Variants in BMX observed in about 807,000 individuals in gnomAD.
The protein encoded by BMX is BMX non-receptor tyrosine kinase, also known as cytoplasmic tyrosine-protein kinase BMX.
Under a neutral mutation model 59.2 loss-of-function variants are expected in BMX, and 31 were observed. The ratio of observed to expected loss-of-function variants is 0.52; its 90% CI spans 0.39 to 0.71. The LOEUF (loss-of-function observed/expected upper bound fraction) is 0.71. BMX is among the 30% of genes least tolerant of loss of function. BMX has a pLI of 0.00. For synonymous variants in BMX, 185 were observed against 181.0 expected (o/e 1.02, Z -0.18); for missense variants, 474 against 491.7 (o/e 0.96, Z 0.34).
intron 13 of BMX, 87 bp downstream of exon 13, chrX:15,536,514 AAAAG>A (rs1925356123): frequency 2.4e-6 from 2 of 834,700 alleles, no homozygotes; most frequent in Non-Finnish European, 3.4e-6. Flanking sequence ...AAAAAAAAAA[AAAAG>A]GAGGAAAGAC....
chrX:15,515,654 T>C (rs781435061), intron 4 of BMX, among the ~76,000 whole-genome samples: 18 of 111,882 alleles, frequency 1.6e-4, no homozygotes, highest in Non-Finnish European at 3.4e-4. Flanking sequence ...TCTTGCAACT[T>C]TTCTGTACAT....
At chrX:15,519,923 G>T (rs747275926) in intron 6 of BMX, among the ~76,000 whole-genome samples, 1 of 111,653 alleles carries the variant, frequency 9.0e-6, no homozygotes, top group African/African-American at 3.2e-5. Flanking sequence ...TGAGGGATTC[G>T]CCCCTATGAC....
At chrX:15,504,059 A>T (rs1923658888) in intron 1 of BMX, among the ~76,000 whole-genome samples, 1 of 111,714 alleles carries the variant, frequency 9.0e-6, no homozygotes, top group Admixed American at 9.5e-5. Context: ...GGCTAGGATC[A>T]TTATCATAAA....
intron 17 of BMX, among the ~76,000 whole-genome samples, chrX:15,548,698 C>T (rs1251043545): frequency 1.8e-5 from 2 of 111,763 alleles, no homozygotes. Context: ...CCTCTGATAG[C>T]AATTCCCAAA....
intron 16 of BMX, among the ~76,000 whole-genome samples, chrX:15,545,750 T>C (rs1925919078): frequency 9.0e-6 from 1 of 110,985 alleles, no homozygotes; most frequent in African/African-American, 3.3e-5. Flanking sequence ...ACTGCCTGAC[T>C]ATTACCTGAC....
chrX:15,531,251 A>G (rs1362608124), intron 10 of BMX, 77 bp from the exon 11 acceptor site: 20 of 877,733 alleles, frequency 2.3e-5, no homozygotes, highest in Admixed American at 7.3e-5. Context: ...TTGTTTTCCA[A>G]CTACCTACCA....
In BMX at chrX:15,556,146, G is replaced by A; in HGVS notation, c.2027G>A (p.Ter676=). The A allele has an allele frequency of 1.7e-6, 2 of 1,203,487 alleles. No individual in the cohort carries two copies. Among genetic ancestry groups the A allele is most frequent in the Non-Finnish European group, 2.2e-6 (2 of 891,241 alleles). The change falls in exon 19 of 19, where the codon TGA becomes TAA. Residue 676 remains the stop codon, a stop_retained_variant. Coordinates refer to ENST00000348343, the MANE Select transcript of BMX (RefSeq NM_203281.3). ...CCACTTCGGGAAAAAGACAAGCATT[G>A]AAGAAGAAATTAGGAGTGCTGATAA... ...IEPLREKDKH[*]
At position 15,547,665 on chromosome X, in the gene BMX, T is replaced by C. The variant is rs1601668556; in HGVS notation, c.1795+744T>C. ...TAGAGTAGTTGCCACAGATACTGCATGTCCCAAAAAGTCTAAAATGCTATG... is the reference window on the plus strand; with the variant it reads ...TAGAGTAGTTGCCACAGATACTGCACGTCCCAAAAAGTCTAAAATGCTATG... On this transcript the variant is annotated intron_variant, in intron 17 of 18. Transcript: ENST00000348343. Among the ~76,000 whole-genome samples, 3 of 112,263 alleles carry C rather than the reference T, an allele frequency of 2.7e-5. No individual in the cohort carries two copies. The South Asian group carries it at 1.1e-3, about 41-fold the overall frequency.
rs267606405 is a variant in BMX at position 15,522,351 on chromosome X, G to A, written c.516G>A (p.Lys172=). The A allele has an allele frequency of 8.3e-7, 1 of 1,210,596 alleles. No individual in the cohort carries two copies. Among genetic ancestry groups the A allele is most frequent in the Non-Finnish European group, 1.1e-6 (1 of 895,093 alleles). Residue 172 remains lysine (K), a synonymous_variant, in exon 7 of 19, where the codon AAG becomes AAA. Transcript: ENST00000348343. ...AAATTTCTTCCCCTCCAAAGCTGAA[G>A]ATACCTCGGGCAGTTCCTGTTCTCA... ...RVPTFPDRVL[K]IPRAVPVLKM...
chrX:15,544,894 CAGCT>C (rs1434408532), intron 16 of BMX, among the ~76,000 whole-genome samples: 2 of 110,985 alleles, frequency 1.8e-5, no homozygotes, highest in Admixed American at 9.6e-5. Context: ...TCTTCCCAGC[CAGCT>C]ATTTTAAATT....
At chrX:15,551,787 C>T (rs922824548) in intron 18 of BMX, among the ~76,000 whole-genome samples, 5 of 110,764 alleles carry the variant, frequency 4.5e-5, no homozygotes, top group African/African-American at 1.6e-4. Context: ...GGTTTCCACA[C>T]CTTTTTCTAC....
chrX:15,533,882 C>A (rs1473236747), intron 11 of BMX, among the ~76,000 whole-genome samples: 1 of 111,260 alleles, frequency 9.0e-6, no homozygotes, highest in Non-Finnish European at 1.9e-5. Context: ...TCCTGAAGAA[C>A]TACAAGCCTC....
At position 15,540,902 on chromosome X, in the gene BMX, G is replaced by A. The variant is rs769612882; in HGVS notation, c.1395-1080G>A. 3.2e-3 allele frequency among the ~76,000 whole-genome samples: 357 copies of A among 111,150 alleles called. 3 individuals are homozygous for A. Among genetic ancestry groups the A allele is most frequent in the African/African-American group, 0.011 (349 of 30,567 alleles). ...TTGGAGTTGCTAAGTACTTTCAAAA[G>A]GCTTTATGCTTAACCGTGAAGACAG... On this transcript the variant is annotated intron_variant, in intron 14 of 18. Transcript: ENST00000348343.
intron 14 of BMX, among the ~76,000 whole-genome samples, chrX:15,540,108 T>G (rs1359051702): frequency 8.9e-6 from 1 of 111,986 alleles, no homozygotes; most frequent in Non-Finnish European, 1.9e-5. Context: ...TATAAATCAT[T>G]CTACTATAAA....
chrX:15,536,237 T>C, intron 12 of BMX, 116 bp from the exon 13 acceptor site: 1 of 699,790 alleles, frequency 1.4e-6, no homozygotes, highest in East Asian at 3.3e-5. Context: ...ATTACAACAT[T>C]CTGAACTCTT....
chrX:15,531,808 A>T (rs922907305), intron 11 of BMX, among the ~76,000 whole-genome samples: 3 of 88,726 alleles, frequency 3.4e-5, no homozygotes, highest in African/African-American at 1.1e-4. Flanking sequence ...AAAGATGCCT[A>T]CTCCAGTGTC....
At chrX:15,501,041 C>A in intron 1 of BMX, 101 bp downstream of exon 1, 1 of 664,412 alleles carries the variant, frequency 1.5e-6, no homozygotes, top group Non-Finnish European at 1.8e-6. Flanking sequence ...CTTTGGGAAG[C>A]TCACTTTAAG....
intron 14 of BMX, among the ~76,000 whole-genome samples, chrX:15,540,234 T>C (rs1925593338): frequency 8.9e-6 from 1 of 111,743 alleles, no homozygotes; most frequent in Non-Finnish European, 1.9e-5. Context: ...ATATACACCA[T>C]GGAATACTAT....
intron 16 of BMX, 67 bp downstream of exon 16, chrX:15,543,202 A>G: frequency 9.4e-7 from 1 of 1,059,762 alleles, no homozygotes; most frequent in Non-Finnish European, 1.3e-6. Context: ...CACCATCATA[A>G]TTGAAGGCTT....
Sources: gnomAD v4.1 joint callset for allele counts (sites outside exome capture counted in the v4.1 genomes callset) on GRCh38, gnomAD v4.1.1 for gene constraint, MANE v1.5 for transcripts, NCBI Gene and HGNC (gene_info 2026-07-23, HGNC 2026-07-21) for gene names.